DMD: variants seen among roughly 807,000 people sequenced by gnomAD.
DMD encodes the protein mutant dystrophin.
DMD carries 63 observed loss-of-function variants against 330.1 expected under a neutral mutation model. The observed-to-expected ratio is 0.19, with a 90% CI of 0.16 to 0.24. The LOEUF (loss-of-function observed/expected upper bound fraction) is 0.24. Among genes scored for constraint, DMD ranks in the 10% least tolerant of loss-of-function variants. The pLI, the probability that DMD is intolerant of heterozygous loss-of-function variation, is 1.00. For synonymous variants in DMD, 1,223 were observed against 959.8 expected, an observed-to-expected ratio of 1.27 and a Z score of -5.07; for missense variants, 3,344 against 2,684.1, an observed-to-expected ratio of 1.25 and a Z score of -5.43.
At chrX:31,262,141 T>A in intron 62 of DMD, among the ~76,000 whole-genome samples, 1 of 112,606 alleles carries the variant, frequency 8.9e-6, no homozygotes, top group South Asian at 3.7e-4. Context: ...CAAGCCTGCC[T>A]ACCTTGGAGG....
chrX:32,716,451 A>T (rs1005103592), intron 7 of DMD, among the ~76,000 whole-genome samples: 1 of 111,541 alleles, frequency 9.0e-6, no homozygotes, highest in Non-Finnish European at 1.9e-5. Flanking sequence ...ATCCCCAGCC[A>T]TACTTCCTGT....
intron 7 of DMD, among the ~76,000 whole-genome samples, chrX:32,760,478 A>G (rs1260042086): frequency 9.0e-6 from 1 of 111,579 alleles, no homozygotes; most frequent in Non-Finnish European, 1.9e-5. Context: ...AGAGAAATGG[A>G]AAGGTCCAGA....
chrX:32,784,650 A>G (rs932697332), intron 7 of DMD, among the ~76,000 whole-genome samples: 2 of 111,939 alleles, frequency 1.8e-5, no homozygotes, highest in African/African-American at 6.5e-5. Context: ...TTATGCATTT[A>G]TGTCCAACTA....
chrX:32,948,113 GACACAC>G lies in DMD; in HGVS notation c.93+72020_93+72025del, dbSNP rs3083093. 5.3e-3 allele frequency among the ~76,000 whole-genome samples: 513 copies of G among 95,942 alleles called. 5 individuals carry two copies. Among genetic ancestry groups the G allele is most frequent in the African/African-American group, 0.018 (481 of 26,759 alleles). The allele number at this position is 95,942 out of a possible 115,157, so 83.3% of individuals were successfully genotyped here. A position where few individuals can be genotyped will look rare whatever the true frequency, so the allele number is the denominator to read the frequency against. The stretch of plus-strand genomic sequence containing the variant: ...CTCAAAATTGACAGTGAGAGAAACA[GACACAC>G]ACACACACACACACACACACACACA... On this transcript the variant is annotated intron_variant, in intron 2 of 78. Transcript: ENST00000357033.
intron 7 of DMD, among the ~76,000 whole-genome samples, chrX:32,804,115 C>T (rs1386830294): frequency 9.0e-6 from 1 of 111,154 alleles, no homozygotes; most frequent in Non-Finnish European, 1.9e-5. Context: ...CCTGGAACGC[C>T]AGCGAGACAG....
At chrX:31,959,251 A>T (rs1321229756) in intron 45 of DMD, among the ~76,000 whole-genome samples, 1 of 111,561 alleles carries the variant, frequency 9.0e-6, no homozygotes, top group Admixed American at 9.5e-5. Context: ...ACGTCCCAAC[A>T]TCCTTATATT....
In DMD at chrX:32,669,561, G is replaced by A. The variant is rs73453061; in HGVS notation, c.961-24409C>T. Among the ~76,000 whole-genome samples, 882 of 111,235 alleles carry A rather than the reference G, an allele frequency of 7.9e-3. 15 individuals are homozygous for A. Among genetic ancestry groups the A allele is most frequent in the African/African-American group, 0.027 (828 of 30,618 alleles). ...CTGTGAAATTTCATGTACTTTTTGG[G>A]ATTACTCTGTTATCTCTCTCCACCC... On this transcript the variant is annotated intron_variant, in intron 9 of 78. Coordinates refer to ENST00000357033, the MANE Select transcript of DMD (RefSeq NM_004006.3).
intron 52 of DMD, among the ~76,000 whole-genome samples, chrX:31,689,224 C>T (rs1207358898): frequency 2.2e-4 from 25 of 112,068 alleles, no homozygotes; most frequent in Admixed American, 4.7e-4. Context: ...AAAACCCCAT[C>T]GTCTCAGCCC....
At chrX:31,698,542 A>G (rs1053379270) in intron 52 of DMD, among the ~76,000 whole-genome samples, 5 of 112,193 alleles carry the variant, frequency 4.5e-5, no homozygotes, top group African/African-American at 9.7e-5. Flanking sequence ...AACACAGATT[A>G]TAAGGAATAT....
chrX:32,103,204 T>C (rs1348361474), intron 44 of DMD, among the ~76,000 whole-genome samples: 1 of 111,851 alleles, frequency 8.9e-6, no homozygotes, highest in African/African-American at 3.3e-5. Flanking sequence ...TTAAAAGTCA[T>C]CATTATATAT....
At chrX:32,597,890 C>T (rs1010547871) in intron 12 of DMD, among the ~76,000 whole-genome samples, 1 of 112,026 alleles carries the variant, frequency 8.9e-6, no homozygotes, top group Non-Finnish European at 1.9e-5. Flanking sequence ...TTTCTTAGAA[C>T]ATTTTGTTAC....
At chrX:31,678,256 A>G (rs1359867374) in intron 53 of DMD, among the ~76,000 whole-genome samples, 2 of 112,079 alleles carry the variant, frequency 1.8e-5, no homozygotes, top group East Asian at 5.6e-4. Flanking sequence ...TTCTTAGATG[A>G]CATAACCAAT....
intron 54 of DMD, among the ~76,000 whole-genome samples, chrX:31,637,230 T>C (rs1196995631): frequency 1.8e-5 from 2 of 111,841 alleles, no homozygotes; most frequent in African/African-American, 6.5e-5. Context: ...CAAGACAAGA[T>C]GTGGGATTAC....
chrX:32,429,387 GTTTTTTT>G (rs10692022), intron 29 of DMD, among the ~76,000 whole-genome samples: 45 of 44,202 alleles, frequency 1.0e-3, no homozygotes, highest in East Asian at 1.7e-3. Flanking sequence ...TTTTTTTTGG[GTTTTTTT>G]TTTTTTTTTT....
intron 2 of DMD, among the ~76,000 whole-genome samples, chrX:32,937,229 A>G (rs2090083975): frequency 9.0e-6 from 1 of 110,715 alleles, no homozygotes; most frequent in Non-Finnish European, 1.9e-5. Flanking sequence ...AGAACTGTCC[A>G]GCAGAAGCTC....
chrX:32,363,733 GTAA>G (rs1338674733), intron 36 of DMD, among the ~76,000 whole-genome samples: 1 of 111,996 alleles, frequency 8.9e-6, no homozygotes, highest in Non-Finnish European at 1.9e-5. Context: ...AAGGTATATC[GTAA>G]TCTGTGGAAA....
intron 42 of DMD, among the ~76,000 whole-genome samples, chrX:32,294,057 ATCT>A (rs777161020): frequency 8.9e-6 from 1 of 111,815 alleles, no homozygotes; most frequent in East Asian, 2.8e-4. Context: ...GCACCAACAT[ATCT>A]TCTTGGCTGC....
At chrX:32,592,187 T>G (rs1003418777) in intron 13 of DMD, among the ~76,000 whole-genome samples, 1 of 111,231 alleles carries the variant, frequency 9.0e-6, no homozygotes, top group African/African-American at 3.3e-5. Context: ...AACCCCTCCT[T>G]CAAGCCAAGA....
intron 7 of DMD, among the ~76,000 whole-genome samples, chrX:32,751,327 CAGAT>C (rs1243412613): frequency 9.0e-6 from 1 of 110,950 alleles, no homozygotes; most frequent in Non-Finnish European, 1.9e-5. Context: ...GAGATGGTCT[CAGAT>C]AGAGATGAGC....
Sources: allele counts gnomAD v4.1 joint callset (sites outside exome capture counted in the v4.1 genomes callset), GRCh38; gene constraint gnomAD v4.1.1; transcripts MANE v1.5; gene names NCBI Gene and HGNC (gene_info 2026-07-23, HGNC 2026-07-21).